ATXN1: variants seen among roughly 807,000 people sequenced by gnomAD.
ATXN1 encodes ataxin-1.
ATXN1 carries 8 observed loss-of-function variants against 56.4 expected under a neutral mutation model. That is an observed-to-expected ratio of 0.14 (90% CI 0.08 to 0.26). The LOEUF is 0.26. Among genes scored for constraint, ATXN1 ranks in the 10% least tolerant of loss-of-function variants. The pLI, the probability that ATXN1 is intolerant of heterozygous loss-of-function variation, is 1.00. For missense variants in ATXN1, 987 were observed against 1,106.5 expected, an observed-to-expected ratio of 0.89 and a Z score of 1.53; for synonymous variants, 514 against 494.6, an observed-to-expected ratio of 1.04 and a Z score of -0.52.
chr6:16,458,141 G>A (rs1378850427), intron 6 of ATXN1, among the ~76,000 whole-genome samples: 1 of 152,166 alleles, frequency 6.6e-6, no homozygotes, highest in African/African-American at 2.4e-5. Context: ...TCTTAGTCAA[G>A]TAAATGACAA....
At chr6:16,454,903 T>G (rs375008260) in intron 6 of ATXN1, among the ~76,000 whole-genome samples, 2 of 152,348 alleles carry the variant, frequency 1.3e-5, no homozygotes, top group South Asian at 4.1e-4. Flanking sequence ...TTGGATATTA[T>G]AGCAATTAAG....
In ATXN1 at chr6:16,327,284, C is replaced by T; in HGVS notation, c.1027G>A (p.Gly343Ser). The T allele has an allele frequency of 6.2e-7, 1 of 1,613,368 alleles. No individual in the cohort carries two copies. The highest frequency in any genetic ancestry group is 1.3e-5 in the African/African-American group (1 of 75,038). ...RYGAPSSADLGLGKAGGKSVP... is the reference protein window; with the variant it reads ...RYGAPSSADLSLGKAGGKSVP... Reference sequence around the variant, plus strand: ...GACTTGCCGCCTGCCTTGCCCAGGCCCAGGTCGGCTGAGGACGGGGCCCCG... The same window carrying T: ...GACTTGCCGCCTGCCTTGCCCAGGCTCAGGTCGGCTGAGGACGGGGCCCCG... Residue 343 changes from glycine to serine, a missense_variant, in exon 7 of 8, where the codon GGC becomes AGC. By Grantham distance (56) the Gly-to-Ser change is moderately conservative. Around this residue, in one of 3 missense-constraint regions of ATXN1, gnomAD observed 723 missense variants for 791.7 expected, o/e 0.91. Transcript: ENST00000436367.
At chr6:16,571,025 C>G (rs1762322769) in intron 4 of ATXN1, among the ~76,000 whole-genome samples, 2 of 152,182 alleles carry the variant, frequency 1.3e-5, no homozygotes. Context: ...CCTGATTTCC[C>G]AATCCTTATG....
intron 6 of ATXN1, among the ~76,000 whole-genome samples, chr6:16,364,530 C>T (rs1264763332): frequency 6.6e-6 from 1 of 152,188 alleles, no homozygotes; most frequent in African/African-American, 2.4e-5. Flanking sequence ...GTCTCGATCT[C>T]CTGACCTCGT....
chr6:16,346,962 G>C (rs955064757), intron 6 of ATXN1, among the ~76,000 whole-genome samples: 51 of 152,292 alleles, frequency 3.3e-4, no homozygotes, highest in African/African-American at 1.2e-3. Flanking sequence ...GGCTCCGTGG[G>C]CCCCGCACTC....
chr6:16,683,271 G>A (rs1030672148), intron 2 of ATXN1, among the ~76,000 whole-genome samples: 1 of 152,212 alleles, frequency 6.6e-6, no homozygotes, highest in Non-Finnish European at 1.5e-5. Flanking sequence ...CAACCTATGA[G>A]AGAAAGATGG....
intron 3 of ATXN1, among the ~76,000 whole-genome samples, chr6:16,601,498 T>C (rs1581874569): frequency 2.4e-5 from 3 of 122,798 alleles, no homozygotes; most frequent in African/African-American, 9.1e-5. Context: ...AAAATGCATC[T>C]ATTTTCTATT....
chr6:16,381,953 T>C (rs569520274), intron 6 of ATXN1, among the ~76,000 whole-genome samples: 4 of 152,356 alleles, frequency 2.6e-5, no homozygotes, highest in African/African-American at 9.6e-5. Context: ...CATGGAGTTA[T>C]ACAGAATGAA....
intron 6 of ATXN1, among the ~76,000 whole-genome samples, chr6:16,437,278 T>G (rs914873012): frequency 6.6e-6 from 1 of 152,236 alleles, no homozygotes; most frequent in Non-Finnish European, 1.5e-5. Context: ...ATTGTTCCAC[T>G]TGTGATTAGG....
intron 2 of ATXN1, among the ~76,000 whole-genome samples, chr6:16,727,723 A>C (rs183185152): frequency 6.6e-6 from 1 of 152,184 alleles, no homozygotes; most frequent in Admixed American, 6.5e-5. Context: ...TAGCATAAAA[A>C]ATCTTTTCTT....
chr6:16,367,041 C>T (rs1561869072), intron 6 of ATXN1, among the ~76,000 whole-genome samples: 2 of 152,192 alleles, frequency 1.3e-5, no homozygotes, highest in Non-Finnish European at 2.9e-5. Context: ...CTCAATTACC[C>T]TGGGGGAAGT....
At chr6:16,421,343 A>G (rs1759027794) in intron 6 of ATXN1, among the ~76,000 whole-genome samples, 8 of 100,336 alleles carry the variant, frequency 8.0e-5, no homozygotes, top group Admixed American at 5.9e-4. Context: ...AGGACACAGG[A>G]AAAAAAAAAG....
At chr6:16,534,481 G>C (rs55840780) in intron 4 of ATXN1, among the ~76,000 whole-genome samples, 1 of 151,046 alleles carries the variant, frequency 6.6e-6, no homozygotes, top group Non-Finnish European at 1.5e-5. Context: ...TTTAATAAAA[G>C]TGGGAGGGGA....
intron 7 of ATXN1, among the ~76,000 whole-genome samples, chr6:16,325,118 G>T (rs75708790): frequency 1.4e-5 from 2 of 143,862 alleles, no homozygotes; most frequent in East Asian, 2.0e-4. Flanking sequence ...CCTTCCATCT[G>T]TTTTTTTTTT....
intron 4 of ATXN1, among the ~76,000 whole-genome samples, chr6:16,553,979 C>T (rs1237974959): frequency 6.6e-6 from 1 of 152,180 alleles, no homozygotes; most frequent in East Asian, 1.9e-4. Flanking sequence ...TGTACATAAA[C>T]ATCTTTGAAG....
At chr6:16,470,128 A>G (rs541403261) in intron 6 of ATXN1, among the ~76,000 whole-genome samples, 1 of 152,332 alleles carries the variant, frequency 6.6e-6, no homozygotes, top group South Asian at 2.1e-4. Flanking sequence ...GTCTACACAT[A>G]CAACAGAATA....
At chr6:16,662,968 GA>G (rs1372920160) in intron 2 of ATXN1, among the ~76,000 whole-genome samples, 1 of 113,750 alleles carries the variant, frequency 8.8e-6, no homozygotes, top group African/African-American at 3.7e-5. Context: ...TTTCTGTTTG[GA>G]TTTTTTTTTT....
At chr6:16,673,599 T>C (rs183203477) in intron 2 of ATXN1, among the ~76,000 whole-genome samples, 1 of 152,304 alleles carries the variant, frequency 6.6e-6, no homozygotes, top group East Asian at 1.9e-4. Flanking sequence ...CAGAGGACTG[T>C]TTGGTGCATT....
At chr6:16,633,625 T>C (rs906430474) in intron 3 of ATXN1, among the ~76,000 whole-genome samples, 2 of 151,908 alleles carry the variant, frequency 1.3e-5, no homozygotes, top group African/African-American at 4.8e-5. Flanking sequence ...CTTGCGAGAG[T>C]GTGTCATGTG....
Sources: allele counts gnomAD v4.1 joint callset (sites outside exome capture counted in the v4.1 genomes callset), GRCh38; gene constraint gnomAD v4.1.1; regional missense constraint gnomAD v4.1.1; transcripts MANE v1.5; gene names NCBI Gene and HGNC (gene_info 2026-07-23, HGNC 2026-07-21).